Variants in PCDHGB2 observed in about 807,000 individuals in gnomAD.
The protein encoded by PCDHGB2 is protocadherin gamma subfamily B, 2, also known as protocadherin gamma-B2.
In PCDHGB2, 55 loss-of-function variants were observed where a neutral mutation model predicts 59.3. The ratio of observed to expected loss-of-function variants is 0.93; its 90% CI spans 0.75 to 1.16. The LOEUF (loss-of-function observed/expected upper bound fraction) is 1.16. Ranked by LOEUF, PCDHGB2 falls within the 50% of genes most tolerant of loss-of-function variation. The pLI, the probability that PCDHGB2 is intolerant of heterozygous loss-of-function variation, is 0.00. For missense variants in PCDHGB2, 1,228 were observed against 1,198.5 expected (o/e 1.02, Z -0.36); for synonymous variants, 516 against 512.0 (o/e 1.01, Z -0.11).
At chr5:141,494,999 G>T in intron 2 of PCDHGB2, 134 bp downstream of exon 2, 1 of 1,531,046 alleles carries the variant, frequency 6.5e-7, no homozygotes, top group Non-Finnish European at 8.8e-7. Context: ...GGGAGGTCTT[G>T]GTGTGCGGGG....
Position 141,491,536 on chromosome 5 carries a change from C to T in PCDHGB2, c.2422-3271C>T, listed in dbSNP as rs746800813. 1.2e-6 allele frequency: 2 copies of T among 1,614,006 alleles called. No individual in the cohort carries two copies. Among genetic ancestry groups the T allele is most frequent in the Admixed American group, 3.3e-5 (2 of 60,030 alleles). On this transcript the variant is annotated intron_variant, in intron 1 of 3. Coordinates refer to ENST00000522605, the MANE Select transcript of PCDHGB2 (RefSeq NM_018923.3). This position sits in a 1 kb window ranked among gnomAD's most constrained non-coding sequence, Gnocchi z 6.9. ...CAAGTACATGGAGGTGACGCTGCGG[C>T]CCACAGACTCGCAGAGCCACTGCTA...
Position 141,365,921 on chromosome 5 carries a change from T to C in PCDHGB2, c.2421+3365T>C. ...TGAGCAGTTGAGAGACCTACAGTTG[T>C]GGGTGACAGCCAGCGACAGTGGGAA... On this transcript the variant is annotated intron_variant, in intron 1 of 3. Transcript: ENST00000522605. The C allele has an allele frequency of 3.7e-6, 6 of 1,614,192 alleles. No individual in the cohort carries two copies. In the South Asian group the frequency reaches 5.5e-5, roughly 15 times the overall value.
intron 1 of PCDHGB2, among the ~76,000 whole-genome samples, chr5:141,469,436 G>T (rs556417221): frequency 6.6e-6 from 1 of 152,002 alleles, no homozygotes; most frequent in Non-Finnish European, 1.5e-5. Flanking sequence ...TTAGCTGGGC[G>T]TGGTGGTGCA....
chr5:141,481,071 A>G (rs887828386), intron 1 of PCDHGB2, among the ~76,000 whole-genome samples: 19 of 152,172 alleles, frequency 1.2e-4, no homozygotes, highest in African/African-American at 4.6e-4. Context: ...AACAAAAAGA[A>G]AGAAAGAAAA....
Position 141,485,668 on chromosome 5 carries a change from T to C in PCDHGB2, c.2422-9139T>C. 6.2e-7 allele frequency: 1 copy of C among 1,612,698 alleles called. No homozygotes were observed. The highest frequency in any genetic ancestry group is 1.3e-5 in the African/African-American group (1 of 74,972). ...CTCAGGATGCAGATGTGGGGAGCAA[T>C]TCGATTAGCAGCTATAGGCTGAGCT... On this transcript the variant is annotated intron_variant, in intron 1 of 3. Transcript: ENST00000522605. The surrounding 1 kb of genome is among the most constrained non-coding windows in gnomAD (Gnocchi z 5.7).
At position 141,375,343 on chromosome 5, in the gene PCDHGB2, C is replaced by T. The variant is rs114810218; in HGVS notation, c.2421+12787C>T. 5.4e-3 allele frequency: 8,654 copies of T among 1,613,832 alleles called. 30 individuals are homozygous for T. Among genetic ancestry groups the T allele is most frequent in the Non-Finnish European group, 6.4e-3 (7,546 of 1,179,894 alleles). The stretch of plus-strand genomic sequence containing the variant: ...GGGAAGAGGTATTCTTGTACAACAT[C>T]ACTGTGACAGCCACGGACAAAGGAA... On this transcript the variant is annotated intron_variant, in intron 1 of 3. Transcript: ENST00000522605.
At chr5:141,504,134 A>G (rs73280371) in intron 2 of PCDHGB2, among the ~76,000 whole-genome samples, 139 of 152,168 alleles carry the variant, frequency 9.1e-4, no homozygotes, top group African/African-American at 3.1e-3. Flanking sequence ...TCCCGCCAAC[A>G]CTCCCCTGCA....
Position 141,432,098 on chromosome 5 carries a change from G to A in PCDHGB2, c.2422-62709G>A. 1.2e-6 allele frequency: 2 copies of A among 1,614,056 alleles called. No homozygotes were observed. Among genetic ancestry groups the A allele is most frequent in the Non-Finnish European group, 1.7e-6 (2 of 1,180,002 alleles). ...CTCGCTGAACGTGGCAGACACCAAC[G>A]ACAACCCGCCGGTCTTCCCTCAGGC... On this transcript the variant is annotated intron_variant, in intron 1 of 3. Transcript: ENST00000522605. The surrounding 1 kb of genome is among the most constrained non-coding windows in gnomAD (Gnocchi z 6.0).
chr5:141,410,239 T>C, intron 1 of PCDHGB2: 2 of 1,614,024 alleles, frequency 1.2e-6, no homozygotes, highest in Admixed American at 1.7e-5. Flanking sequence ...GCGACCGCCC[T>C]GTACTCTCTG....
intron 2 of PCDHGB2, among the ~76,000 whole-genome samples, chr5:141,496,703 GT>G (rs1360916053): frequency 6.6e-6 from 1 of 152,132 alleles, no homozygotes; most frequent in East Asian, 1.9e-4. Context: ...CTTCTCATAA[GT>G]TATCCATTAA....
At chr5:141,409,898 G>A in intron 1 of PCDHGB2, 1 of 1,613,240 alleles carries the variant, frequency 6.2e-7, no homozygotes, top group Non-Finnish European at 8.5e-7. Flanking sequence ...GCTGTACCCA[G>A]CTCTGGGTCC....
At chr5:141,367,576 C>T (rs1435052087) in intron 1 of PCDHGB2, 1 of 138,304 alleles carries the variant, frequency 7.2e-6, no homozygotes, top group African/African-American at 2.7e-5. Context: ...AAATAAATAT[C>T]AGAAAAGTAG....
chr5:141,464,389 A>G (rs2099082481), intron 1 of PCDHGB2, among the ~76,000 whole-genome samples: 1 of 151,766 alleles, frequency 6.6e-6, no homozygotes, highest in Non-Finnish European at 1.5e-5. Flanking sequence ...AAAAATGCTA[A>G]TGAAGAACCT....
rs11343387 is a variant in PCDHGB2 at position 141,497,209 on chromosome 5, TGG to T, written c.2480+2352_2480+2353del. On this transcript the variant is annotated intron_variant, in intron 2 of 3. Transcript: ENST00000522605. ...GAGGCAGAGAACAATGTGAGTGTAATGGGGGGGGGAAGATCAGAGAAGGCTTC... is the reference window on the plus strand; with the variant it reads ...GAGGCAGAGAACAATGTGAGTGTAATGGGGGGGAAGATCAGAGAAGGCTTC... Among the ~76,000 whole-genome samples the T allele has an allele frequency of 3.8e-3, 569 of 151,352 alleles. 5 individuals are homozygous for T. Among genetic ancestry groups the T allele is most frequent in the Admixed American group, 0.011 (162 of 15,190 alleles).
intron 2 of PCDHGB2, among the ~76,000 whole-genome samples, chr5:141,498,371 C>T (rs188547878): frequency 6.6e-6 from 1 of 151,838 alleles, no homozygotes; most frequent in Admixed American, 6.6e-5. Flanking sequence ...TGTGGTGAGG[C>T]CTCCTGGGAT....
In PCDHGB2 at chr5:141,491,723, G is replaced by A. The variant is rs764792125; in HGVS notation, c.2422-3084G>A. The A allele has an allele frequency of 1.7e-5, 27 of 1,606,770 alleles. No individual in the cohort carries two copies. In the African/African-American group the frequency reaches 3.2e-4, roughly 19 times the overall value. On this transcript the variant is annotated intron_variant, in intron 1 of 3. Coordinates refer to ENST00000522605, the MANE Select transcript of PCDHGB2 (RefSeq NM_018923.3). The surrounding 1 kb of genome is among the most constrained non-coding windows in gnomAD (Gnocchi z 6.9). The stretch of plus-strand genomic sequence containing the variant: ...CAGGTGAGGGGCTCGGCGCCGCCCC[G>A]GGCGACCCCTGGGGGCGGCACTGGA...
chr5:141,372,277 C>T (rs753032334), intron 1 of PCDHGB2: 2 of 1,613,112 alleles, frequency 1.2e-6, no homozygotes, highest in Non-Finnish European at 1.7e-6. Context: ...GAGGTGCGCA[C>T]GGCGCGTACC....
intron 1 of PCDHGB2, chr5:141,419,932 C>T: frequency 6.2e-7 from 1 of 1,614,090 alleles, no homozygotes; most frequent in Non-Finnish European, 8.5e-7. Flanking sequence ...TGCAGTTTTA[C>T]CTGGTGGTGG....
In PCDHGB2 at chr5:141,427,737, G is replaced by C. The variant is rs1460682938; in HGVS notation, c.2421+65181G>C. 2.5e-6 allele frequency: 3 copies of C among 1,223,986 alleles called. No homozygotes were observed. The African/African-American group carries it at 4.4e-5, about 18-fold the overall frequency. 75.8% of individuals were successfully genotyped at this position (1,223,986 alleles called of 1,614,324 possible). A position where few individuals can be genotyped will look rare whatever the true frequency, so the allele number is the denominator to read the frequency against. On this transcript the variant is annotated intron_variant, in intron 1 of 3. Coordinates refer to ENST00000522605, the MANE Select transcript of PCDHGB2 (RefSeq NM_018923.3). The stretch of plus-strand genomic sequence containing the variant: ...CCTGGACCTAGGGCTGAATGGCCAA[G>C]TCTCCTACTCCATCGTTACCACTGA...
Sources: gnomAD v4.1 joint callset for allele counts (sites outside exome capture counted in the v4.1 genomes callset) on GRCh38, gnomAD v4.1.1 for gene constraint, Gnocchi (gnomAD v3.1) non-coding constraint, MANE v1.5 for transcripts, NCBI Gene and HGNC (gene_info 2026-07-23, HGNC 2026-07-21) for gene names.